The following INVS variants were observed in gnomAD, a reference collection of about 807,000 sequenced individuals.
INVS encodes the protein inversin.
Under a neutral mutation model 108.8 loss-of-function variants are expected in INVS, and 86 were observed. That is an observed-to-expected ratio of 0.79 (90% confidence interval 0.66 to 0.95). The LOEUF (loss-of-function observed/expected upper bound fraction) is 0.95. Ranked by LOEUF, INVS falls within the 40% of genes least tolerant of loss-of-function variation. The pLI is 0.00. For missense variants in INVS, 1,169 were observed against 1,297.4 expected, an observed-to-expected ratio of 0.90 and a Z score of 1.52; for synonymous variants, 455 against 473.5, an observed-to-expected ratio of 0.96 and a Z score of 0.51.
intron 11 of INVS, among the ~76,000 whole-genome samples, chr9:100,268,020 G>C (rs1288371992): frequency 6.6e-6 from 1 of 152,100 alleles, no homozygotes; most frequent in Non-Finnish European, 1.5e-5. Flanking sequence ...GATGTTACAG[G>C]AAAGTGGTCC....
intron 3 of INVS, among the ~76,000 whole-genome samples, chr9:100,159,110 G>C (rs1044077614): frequency 6.6e-6 from 1 of 152,232 alleles, no homozygotes; most frequent in East Asian, 1.9e-4. Flanking sequence ...AAATTGCCCA[G>C]CCTCCGGTAT....
intron 11 of INVS, among the ~76,000 whole-genome samples, chr9:100,272,138 G>A (rs1197560333): frequency 2.0e-5 from 3 of 152,182 alleles, no homozygotes; most frequent in Admixed American, 6.5e-5. Context: ...AAAGTGCTGC[G>A]ATTACAGGCG....
chr9:100,276,989 G>C (rs1383233205), intron 12 of INVS, among the ~76,000 whole-genome samples: 1 of 152,164 alleles, frequency 6.6e-6, no homozygotes, highest in Non-Finnish European at 1.5e-5. Context: ...GCTAGTATAT[G>C]TGATTATGTT....
chr9:100,278,206 G>T (rs998949534), intron 12 of INVS, among the ~76,000 whole-genome samples: 38 of 118,640 alleles, frequency 3.2e-4, no homozygotes, highest in Non-Finnish European at 5.7e-4. Flanking sequence ...CTCCAGCCTG[G>T]AAGACAGAGA....
At chr9:100,159,617 G>C (rs942582452) in intron 3 of INVS, among the ~76,000 whole-genome samples, 1 of 152,044 alleles carries the variant, frequency 6.6e-6, no homozygotes, top group Non-Finnish European at 1.5e-5. Flanking sequence ...AACTATAATA[G>C]AAGGCAGTTT....
At position 100,292,505 on chromosome 9, in the gene INVS, G is replaced by T. The variant is rs773515528; in HGVS notation, c.2248G>T (p.Val750Leu). Residue 750 changes from valine to leucine, a missense_variant, in exon 14 of 17, where the codon GTG becomes TTG. By Grantham distance (32) the Val-to-Leu change is conservative. Around this residue, in one of 3 missense-constraint regions of INVS, gnomAD observed 533 missense variants for 536.0 expected, o/e 0.99. Transcript: ENST00000262457. ...GFVKQPSCIRVAGPDEKGEDS... is the reference protein window; with the variant it reads ...GFVKQPSCIRLAGPDEKGEDS... ...CGTGAAGCAGCCCTCCTGTATCAGG[G>T]TGGCTGGGCCTGATGAGAAAGGAGA... The T allele has an allele frequency of 1.2e-6, 2 of 1,614,196 alleles. No individual in the cohort carries two copies. The highest frequency in any genetic ancestry group is 4.5e-5 in the East Asian group (2 of 44,882).
chr9:100,102,378 G>A (rs1168360955), intron 1 of INVS, among the ~76,000 whole-genome samples: 1 of 152,168 alleles, frequency 6.6e-6, no homozygotes, highest in African/African-American at 2.4e-5. Context: ...CTACCGGTCA[G>A]AACAAAATTG....
intron 12 of INVS, among the ~76,000 whole-genome samples, chr9:100,281,461 A>G (rs1356660064): frequency 6.6e-6 from 1 of 152,234 alleles, no homozygotes; most frequent in Non-Finnish European, 1.5e-5. Flanking sequence ...AGGCAGCAAT[A>G]TAGATAAAAT....
intron 16 of INVS, among the ~76,000 whole-genome samples, chr9:100,298,891 A>G (rs570901309): frequency 1.3e-5 from 2 of 151,880 alleles, no homozygotes; most frequent in East Asian, 1.9e-4. Flanking sequence ...ACAAACAAAA[A>G]AACCCCTTTC....
At chr9:100,164,388 T>G (rs551423073) in intron 3 of INVS, among the ~76,000 whole-genome samples, 1 of 150,918 alleles carries the variant, frequency 6.6e-6, no homozygotes, top group African/African-American at 2.5e-5. Context: ...AAAGGAAGAG[T>G]CAATGACTTT....
At chr9:100,297,273 T>C (rs993356776) in intron 15 of INVS, 127 bp downstream of exon 15, 9 of 801,692 alleles carry the variant, frequency 1.1e-5, no homozygotes, top group Non-Finnish European at 1.7e-5. Context: ...GCAAAATTAA[T>C]TGTATTATTA....
At chr9:100,253,192 CT>C in intron 10 of INVS, 56 bp downstream of exon 10, 1 of 1,380,232 alleles carries the variant, frequency 7.2e-7, no homozygotes. Context: ...AGTATTTCTT[CT>C]TTGTTGTAAA....
chr9:100,111,533 A>G (rs569269358), intron 2 of INVS, among the ~76,000 whole-genome samples: 42 of 152,368 alleles, frequency 2.8e-4, no homozygotes, highest in African/African-American at 9.9e-4. Context: ...ATTAGAGGCC[A>G]TCTCCACAGT....
chr9:100,202,617 G>A (rs531432539), intron 3 of INVS, among the ~76,000 whole-genome samples: 36 of 150,556 alleles, frequency 2.4e-4, no homozygotes, highest in African/African-American at 8.3e-4. Flanking sequence ...CTTGTCTATC[G>A]CTTTAACCTT....
chr9:100,195,032 T>A (rs144318281), intron 3 of INVS, among the ~76,000 whole-genome samples: 1 of 152,272 alleles, frequency 6.6e-6, no homozygotes, highest in East Asian at 1.9e-4. Context: ...GGAACCAGTG[T>A]GAAGAGCCCC....
intron 4 of INVS, among the ~76,000 whole-genome samples, chr9:100,226,810 CAAAAAAAAAAAAAAA>C (rs59853701): frequency 1.3e-5 from 1 of 78,798 alleles, no homozygotes; most frequent in African/African-American, 4.3e-5. Flanking sequence ...GAGACTGTCT[CAAAAAAAAAAAAAAA>C]AAAAAAAAAA....
At position 100,127,055 on chromosome 9, in the gene INVS, G is replaced by C. The variant is rs541009075; in HGVS notation, c.273+506G>C. On this transcript the variant is annotated intron_variant, in intron 3 of 16. Coordinates refer to ENST00000262457, the MANE Select transcript of INVS (RefSeq NM_014425.5). ...TACAAAAAATTAAAAAATTAGCTGG[G>C]CATGGTGGCGCACACTTGCAGTCCC... 4.6e-5 allele frequency among the ~76,000 whole-genome samples: 7 copies of C among 152,114 alleles called. No individual in the cohort carries two copies. The South Asian group carries it at 1.5e-3, about 32-fold the overall frequency.
intron 3 of INVS, among the ~76,000 whole-genome samples, chr9:100,142,812 G>T (rs950750650): frequency 5.9e-5 from 9 of 152,178 alleles, no homozygotes; most frequent in Non-Finnish European, 1.2e-4. Context: ...AAAACAGTAA[G>T]GTCCAGTTGT....
chr9:100,221,223 T>C lies in INVS; in HGVS notation c.274-4839T>C, dbSNP rs548497806. Among the ~76,000 whole-genome samples, 3 of 152,300 alleles carry C rather than the reference T, an allele frequency of 2.0e-5. No individual in the cohort carries two copies. In the South Asian group the frequency reaches 6.2e-4, roughly 32 times the overall value. ...GTATCTTCCTCTGTTCCATTGATACTAGAAATATTCTCCTGATTTTAGCAC... is the reference window on the plus strand; with the variant it reads ...GTATCTTCCTCTGTTCCATTGATACCAGAAATATTCTCCTGATTTTAGCAC... On this transcript the variant is annotated intron_variant, in intron 3 of 16. Coordinates refer to ENST00000262457, the MANE Select transcript of INVS (RefSeq NM_014425.5).
Sources: gnomAD v4.1 joint callset for allele counts (sites outside exome capture counted in the v4.1 genomes callset) on GRCh38, gnomAD v4.1.1 for gene constraint, gnomAD v4.1.1 regional missense constraint, MANE v1.5 for transcripts, NCBI Gene and HGNC (gene_info 2026-07-23, HGNC 2026-07-21) for gene names.